The following THSD7A variants were observed in gnomAD, a reference collection of about 807,000 sequenced individuals.
THSD7A encodes thrombospondin type-1 domain-containing protein 7A.
THSD7A carries 96 observed loss-of-function variants against 231.3 expected under a neutral mutation model. That is an observed-to-expected ratio of 0.41 (90% confidence interval 0.35 to 0.49). THSD7A has a LOEUF of 0.49. Ranked by LOEUF, THSD7A falls within the 20% of genes least tolerant of loss-of-function variation. THSD7A has a pLI of 0.05. For missense variants in THSD7A, 2,290 were observed against 2,070.2 expected, an observed-to-expected ratio of 1.11 and a Z score of -2.06; for synonymous variants, 940 against 743.3, an observed-to-expected ratio of 1.26 and a Z score of -4.30.
intron 2 of THSD7A, among the ~76,000 whole-genome samples, chr7:11,603,280 C>T (rs1780614025): frequency 6.7e-6 from 1 of 150,250 alleles, no homozygotes; most frequent in African/African-American, 2.4e-5. Flanking sequence ...TGAAAAAATG[C>T]TCATCATCAC....
intron 16 of THSD7A, among the ~76,000 whole-genome samples, chr7:11,423,864 G>A (rs1348552291): frequency 6.6e-6 from 1 of 152,210 alleles, no homozygotes; most frequent in Non-Finnish European, 1.5e-5. Flanking sequence ...TAAGGATCAT[G>A]TGATAGATAC....
At chr7:11,724,090 C>T (rs1033637535) in intron 1 of THSD7A, among the ~76,000 whole-genome samples, 2 of 151,830 alleles carry the variant, frequency 1.3e-5, no homozygotes, top group African/African-American at 2.4e-5. Flanking sequence ...ATTGGGGATA[C>T]ATTTCAAAAA....
intron 1 of THSD7A, among the ~76,000 whole-genome samples, chr7:11,723,027 C>G (rs1263138623): frequency 6.6e-6 from 1 of 151,884 alleles, no homozygotes; most frequent in African/African-American, 2.4e-5. Context: ...CACATGCACA[C>G]GTATGTTTAT....
rs1188835709 is a variant in THSD7A, at chr7:11,778,820, A to T, written c.190+52937T>A. On this transcript the variant is annotated intron_variant, in intron 1 of 27. Transcript: ENST00000423059. Reference sequence around the variant, plus strand: ...ACAATATATTCTGAGAAATATACCAATGTTTCTATAAATCTATGCACAAAT... The same window carrying T: ...ACAATATATTCTGAGAAATATACCATTGTTTCTATAAATCTATGCACAAAT... Among the ~76,000 whole-genome samples the T allele has an allele frequency of 1.1e-4, 16 of 152,268 alleles. No homozygotes were observed. The East Asian group carries it at 3.1e-3, about 29-fold the overall frequency.
intron 6 of THSD7A, among the ~76,000 whole-genome samples, chr7:11,526,391 G>T (rs1788474350): frequency 6.6e-6 from 1 of 152,114 alleles, no homozygotes; most frequent in African/African-American, 2.4e-5. Flanking sequence ...ATCCTATGAG[G>T]CAGAGAGTAT....
intron 6 of THSD7A, among the ~76,000 whole-genome samples, chr7:11,538,417 C>T (rs939128112): frequency 2.0e-5 from 3 of 152,052 alleles, no homozygotes; most frequent in African/African-American, 7.2e-5. Flanking sequence ...AGGAATAATA[C>T]TTTTTTCCCC....
rs1781845126 is a variant in THSD7A at position 11,636,345 on chromosome 7, T to C, written c.807A>G (p.Arg269=). The part of the protein sequence containing the change: ...PWSTCSMPHS[R]QVRQARRRGK... ...CGCGTCTCCTTGCTTGTCTTACTTG[T>C]CGGGAGTGGGGCATTGAGCAGGTGC... Residue 269 remains arginine (R), a synonymous_variant, in exon 2 of 28, where the codon CGA becomes CGG. Transcript: ENST00000423059. The surrounding 1 kb of genome is among the most constrained non-coding windows in gnomAD (Gnocchi z 10.0). 1.9e-6 allele frequency: 3 copies of C among 1,613,912 alleles called. No homozygotes were observed. The East Asian group carries it at 6.7e-5, about 36-fold the overall frequency.
At chr7:11,466,297 G>T (rs1785701635) in intron 9 of THSD7A, among the ~76,000 whole-genome samples, 1 of 152,128 alleles carries the variant, frequency 6.6e-6, no homozygotes, top group Non-Finnish European at 1.5e-5. Flanking sequence ...TTTAAATGGT[G>T]TGTGTAAATT....
intron 2 of THSD7A, among the ~76,000 whole-genome samples, chr7:11,607,187 G>A (rs981206056): frequency 1.3e-5 from 2 of 151,912 alleles, no homozygotes; most frequent in African/African-American, 2.4e-5. Flanking sequence ...AGAATATAAC[G>A]CTAGTAGGAA....
In THSD7A at chr7:11,376,646, T is replaced by G; in HGVS notation, c.4813A>C (p.Lys1605Gln). ...GCTGCTACACCGTAAACCCAGGTCT[T>G]TAGTCTCCCATCTAAGAAGAATGGA... is the stretch of plus-strand genomic sequence containing the variant. ...LQPFGPDGRL[K>Q]TWVYGVAAGA... The change falls in exon 27 of 28, where the codon AAG becomes CAG. Residue 1605 changes from lysine to glutamine, a missense_variant. Physicochemically the swap from Lys to Gln is moderately conservative, Grantham distance 53. Coordinates refer to ENST00000423059, the MANE Select transcript of THSD7A (RefSeq NM_015204.3). 1 of 1,577,798 alleles carries G rather than the reference T, an allele frequency of 6.3e-7. No homozygotes were observed.
chr7:11,558,423 G>A (rs779932017), intron 4 of THSD7A, among the ~76,000 whole-genome samples: 62 of 152,138 alleles, frequency 4.1e-4, no homozygotes, highest in Middle Eastern at 6.8e-3. Context: ...ACATAAATCC[G>A]ATCTACTATA....
At chr7:11,396,599 A>G (rs1275819426) in intron 23 of THSD7A, among the ~76,000 whole-genome samples, 5 of 152,212 alleles carry the variant, frequency 3.3e-5, no homozygotes, top group Admixed American at 2.6e-4. Context: ...GAATCCCTGA[A>G]GAGACCAATA....
chr7:11,714,752 A>G (rs1781079642), intron 1 of THSD7A, among the ~76,000 whole-genome samples: 1 of 151,358 alleles, frequency 6.6e-6, no homozygotes, highest in African/African-American at 2.4e-5. Flanking sequence ...TCCAGAAAAC[A>G]CAGCATACAC....
chr7:11,382,563 G>T lies in THSD7A; in HGVS notation c.4465C>A (p.Arg1489=). ...TCTGACCTTTGACACCACACTGTTC[G>T]GGAAGAGCCCTTCCAAGCACTGGCC... The part of the protein sequence containing the change: ...WMASAWKGSS[R]TVWCQRSDGI... The change falls in exon 24 of 28, where the codon CGA becomes AGA. Residue 1489 remains arginine, a synonymous_variant. Coordinates refer to ENST00000423059, the MANE Select transcript of THSD7A (RefSeq NM_015204.3). The T allele has an allele frequency of 6.2e-7, 1 of 1,612,874 alleles. No homozygotes were observed. The highest frequency in any genetic ancestry group is 8.5e-7 in the Non-Finnish European group (1 of 1,179,212).
Position 11,524,619 on chromosome 7 carries a change from C to T in THSD7A, c.1822+16800G>A, listed in dbSNP as rs189153747. ...CAGTCTTTATATGTGGCTAGCCAGCCGGAAACAGAGCTCCACAGGGTCTGA... is the reference window on the plus strand; with the variant it reads ...CAGTCTTTATATGTGGCTAGCCAGCTGGAAACAGAGCTCCACAGGGTCTGA... On this transcript the variant is annotated intron_variant, in intron 6 of 27. Transcript: ENST00000423059. 6.3e-4 allele frequency among the ~76,000 whole-genome samples: 96 copies of T among 152,164 alleles called. 1 individual carries two copies. The highest frequency in any genetic ancestry group is 5.8e-3 in the Admixed American group (88 of 15,258).
chr7:11,775,998 G>A (rs35639376), intron 1 of THSD7A, among the ~76,000 whole-genome samples: 1 of 152,040 alleles, frequency 6.6e-6, no homozygotes, highest in Non-Finnish European at 1.5e-5. Flanking sequence ...CATTTTGTAA[G>A]TAAAATAAAT....
intron 1 of THSD7A, among the ~76,000 whole-genome samples, chr7:11,763,376 A>G (rs1233309326): frequency 6.6e-6 from 1 of 152,160 alleles, no homozygotes; most frequent in Non-Finnish European, 1.5e-5. Context: ...TCTTGACTGA[A>G]CTAAGTTAGA....
At chr7:11,735,397 G>A (rs1781882141) in intron 1 of THSD7A, among the ~76,000 whole-genome samples, 1 of 151,892 alleles carries the variant, frequency 6.6e-6, no homozygotes, top group African/African-American at 2.4e-5. Context: ...GCCACAAGTA[G>A]AAAATTCCAT....
intron 4 of THSD7A, among the ~76,000 whole-genome samples, chr7:11,576,733 T>C (rs569558977): frequency 6.6e-6 from 1 of 152,332 alleles, no homozygotes; most frequent in East Asian, 1.9e-4. Context: ...CCTTATAGAA[T>C]CATGTCACAG....
Sources: gnomAD v4.1 joint callset for allele counts (sites outside exome capture counted in the v4.1 genomes callset) on GRCh38, gnomAD v4.1.1 for gene constraint, Gnocchi (gnomAD v3.1) non-coding constraint, MANE v1.5 for transcripts, NCBI Gene and HGNC (gene_info 2026-07-23, HGNC 2026-07-21) for gene names.